C1QTNF3: variants seen among roughly 807,000 people sequenced by gnomAD.
C1QTNF3 encodes the protein C1q and TNF related 3.
A neutral mutation model predicts 32.6 loss-of-function variants in C1QTNF3; 26 were observed. The observed-to-expected ratio is 0.80, with a 90% CI of 0.58 to 1.11. The LOEUF (loss-of-function observed/expected upper bound fraction) is 1.11. C1QTNF3 is among the 50% of genes least tolerant of loss of function. C1QTNF3 has a pLI of 0.00. For missense variants in C1QTNF3, 362 were observed against 398.2 expected (o/e 0.91, Z 0.77); for synonymous variants, 155 against 146.0 (o/e 1.06, Z -0.44).
intron 3 of C1QTNF3, 34 bp from the exon 4 acceptor site, chr5:34,028,917 A>C (rs767770851): frequency 1.9e-6 from 3 of 1,592,488 alleles, no homozygotes; most frequent in Non-Finnish European, 1.7e-6. Context: ...TAAATAGGCA[A>C]TTTATCTTAA....
At chr5:34,128,221 A>C in the C1QTNF3 span, among the ~76,000 whole-genome samples, 1 of 152,204 alleles carries the variant, frequency 6.6e-6, no homozygotes. Flanking sequence ...AGGTGTGCAG[A>C]AGACAAGAAT....
intron 3 of C1QTNF3, among the ~76,000 whole-genome samples, chr5:34,030,716 G>A (rs159882): frequency 0.46 from 69,384 of 152,024 alleles, 17,395 homozygotes; most frequent in South Asian, 0.73. Context: ...GATAAAGAAA[G>A]TGTGCTACAT....
chr5:34,219,500 ACG>A, the C1QTNF3 span, among the ~76,000 whole-genome samples: 189 of 152,056 alleles, frequency 1.2e-3, 1 homozygote, highest in Admixed American at 2.8e-3. Context: ...TCCTGTATCT[ACG>A]TGCTGCACAA....
At chr5:34,156,062 T>G in the C1QTNF3 span, among the ~76,000 whole-genome samples, 8 of 152,190 alleles carry the variant, frequency 5.3e-5, no homozygotes, top group African/African-American at 1.9e-4. Context: ...TTTCTCCAAA[T>G]TTTTAAAAAT....
the C1QTNF3 span, among the ~76,000 whole-genome samples, chr5:34,178,274 C>T: frequency 6.6e-6 from 1 of 152,140 alleles, no homozygotes; most frequent in Non-Finnish European, 1.5e-5. Flanking sequence ...ACTGAAACTC[C>T]TCCTCAAAGG....
At chr5:34,235,511 T>C in the C1QTNF3 span, among the ~76,000 whole-genome samples, 1 of 151,450 alleles carries the variant, frequency 6.6e-6, no homozygotes, top group African/African-American at 2.4e-5. Context: ...CTCTATCCAC[T>C]TTCTTTCCAC....
Position 34,020,641 on chromosome 5 carries a change from T to C in C1QTNF3, c.902A>G (p.His301Arg). Residue 301 changes from histidine (H) to arginine (R), a missense_variant, in exon 6 of 6, where the codon CAT (histidine) becomes CGT (arginine). By Grantham distance (29) the His-to-Arg change is conservative (BLOSUM62 0). Transcript: ENST00000382065. Reference sequence around the variant, plus strand: ...GGTGGAGAAGCGTTGGTGGTCCCCATGGAGAGCGCCATTGCCCATTCGCAG... The same window carrying C: ...GGTGGAGAAGCGTTGGTGGTCCCCACGGAGAGCGCCATTGCCCATTCGCAG... ...VWLRMGNGAL[H>R]GDHQRFSTFA... 1 of 1,614,246 alleles carries C rather than the reference T, an allele frequency of 6.2e-7. No individual in the cohort carries two copies. The highest frequency in any genetic ancestry group is 8.5e-7 in the Non-Finnish European group (1 of 1,180,040).
the C1QTNF3 span, among the ~76,000 whole-genome samples, chr5:34,161,715 AGAC>A: frequency 6.6e-6 from 1 of 152,192 alleles, no homozygotes; most frequent in Non-Finnish European, 1.5e-5. Flanking sequence ...TTATTACATT[AGAC>A]TACTGGTTTA....
the C1QTNF3 span, among the ~76,000 whole-genome samples, chr5:34,086,049 T>C: frequency 5.2e-4 from 77 of 148,492 alleles, no homozygotes; most frequent in Non-Finnish European, 9.8e-4. Context: ...TAAATGTCCA[T>C]CAATGATAGA....
chr5:34,212,095 C>T, the C1QTNF3 span, among the ~76,000 whole-genome samples: 56 of 151,916 alleles, frequency 3.7e-4, no homozygotes, highest in African/African-American at 7.7e-4. Flanking sequence ...TCAGAAATAA[C>T]GCCACATATC....
chr5:34,062,376 T>C, the C1QTNF3 span, among the ~76,000 whole-genome samples: 10 of 152,242 alleles, frequency 6.6e-5, no homozygotes, highest in Non-Finnish European at 1.2e-4. Context: ...TGTAGGAATA[T>C]GCCCTAATTA....
At chr5:34,200,840 T>A in the C1QTNF3 span, 10 of 152,142 alleles carry the variant, frequency 6.6e-5, no homozygotes, top group African/African-American at 2.4e-4. Flanking sequence ...TTTTCTTCCA[T>A]CTTTGGATTG....
intron 4 of C1QTNF3, among the ~76,000 whole-genome samples, chr5:34,024,711 T>C (rs559954225): frequency 1.3e-5 from 2 of 152,326 alleles, no homozygotes; most frequent in South Asian, 4.1e-4. Flanking sequence ...GGCTCCTAAT[T>C]GAAAGCAATA....
At chr5:34,141,159 G>A in the C1QTNF3 span, among the ~76,000 whole-genome samples, 5 of 151,710 alleles carry the variant, frequency 3.3e-5, no homozygotes, top group South Asian at 2.1e-4. Context: ...CCACTCTGTC[G>A]CCCAGGCTGG....
At chr5:34,244,355 T>C in the C1QTNF3 span, among the ~76,000 whole-genome samples, 44 of 152,238 alleles carry the variant, frequency 2.9e-4, no homozygotes, top group Non-Finnish European at 5.1e-4. Flanking sequence ...AGCAGCAAGA[T>C]TGCAAAGAGC....
At chr5:34,220,396 C>G in the C1QTNF3 span, among the ~76,000 whole-genome samples, 2 of 151,752 alleles carry the variant, frequency 1.3e-5, no homozygotes, top group Admixed American at 1.3e-4. Context: ...TGTCAATGAT[C>G]GTCCTTCTCT....
At chr5:34,107,690 T>G in the C1QTNF3 span, among the ~76,000 whole-genome samples, 1 of 151,946 alleles carries the variant, frequency 6.6e-6, no homozygotes, top group South Asian at 2.1e-4. Flanking sequence ...GGAAAGGACC[T>G]GTATAAATAA....
chr5:34,113,732 T>C, the C1QTNF3 span, among the ~76,000 whole-genome samples: 1 of 152,156 alleles, frequency 6.6e-6, no homozygotes, highest in Non-Finnish European at 1.5e-5. Flanking sequence ...TTTCACTTCA[T>C]AAATCTAGGA....
At chr5:34,045,083 C>T (rs1335425326), upstream of C1QTNF3, among the ~76,000 whole-genome samples, 10 of 152,170 alleles carry the variant, frequency 6.6e-5, no homozygotes, top group Non-Finnish European at 1.5e-4. Context: ...GAAAATGTCA[C>T]AGGGAGACCA....
Sources: allele counts gnomAD v4.1 joint callset (sites outside exome capture counted in the v4.1 genomes callset), GRCh38; gene constraint gnomAD v4.1.1; transcripts MANE v1.5; gene names NCBI Gene and HGNC (gene_info 2026-07-23, HGNC 2026-07-21).